The following DMGDH variants were observed in gnomAD, a reference collection of about 807,000 sequenced individuals.
The protein encoded by DMGDH is dimethylglycine dehydrogenase, mitochondrial.
DMGDH carries 76 observed loss-of-function variants against 95.2 expected under a neutral mutation model. The ratio of observed to expected loss-of-function variants is 0.80; its 90% CI spans 0.66 to 0.97. The LOEUF is 0.97. Ranked by LOEUF, DMGDH falls within the 50% of genes least tolerant of loss-of-function variation. DMGDH has a pLI of 0.00. For missense variants in DMGDH, 987 were observed against 1,055.0 expected (o/e 0.94, Z 0.89); for synonymous variants, 345 against 377.6 (o/e 0.91, Z 1.00).
At chr5:79,067,898 T>C (rs1223938071) in intron 1 of DMGDH, among the ~76,000 whole-genome samples, 1 of 152,214 alleles carries the variant, frequency 6.6e-6, no homozygotes, top group Non-Finnish European at 1.5e-5. Flanking sequence ...AATATGCAAT[T>C]GAAATAACTC....
At chr5:79,024,235 G>A (rs1214870461) in intron 14 of DMGDH, 36 bp downstream of exon 14, 2 of 1,580,804 alleles carry the variant, frequency 1.3e-6, no homozygotes, top group Non-Finnish European at 1.7e-6. Flanking sequence ...ATAATGTTAA[G>A]ATTTACTTCA....
Position 79,042,515 on chromosome 5 carries a change from T to C in DMGDH, c.995-34A>G, listed in dbSNP as rs755385426. On this transcript the variant is annotated intron_variant, in intron 6 of 15. Coordinates refer to ENST00000255189, the MANE Select transcript of DMGDH (RefSeq NM_013391.3). ...ATTTGCCCTTGTGGTCAGGATGCCG[T>C]AGCTGAGCTGACAAGTCCTGTAAAG... 5.3e-5 allele frequency: 85 copies of C among 1,603,060 alleles called. No homozygotes were observed. The Middle Eastern group carries it at 4.0e-3, about 75-fold the overall frequency.
intron 14 of DMGDH, among the ~76,000 whole-genome samples, chr5:79,017,749 GCACGGATC>G (rs1753762432): frequency 6.6e-6 from 1 of 152,186 alleles, no homozygotes; most frequent in Non-Finnish European, 1.5e-5. Context: ...GGTTTGAACT[GCACGGATC>G]CACTTATATG....
At chr5:79,008,439 C>G (rs1753586453) in intron 14 of DMGDH, among the ~76,000 whole-genome samples, 1 of 152,184 alleles carries the variant, frequency 6.6e-6, no homozygotes, top group Admixed American at 6.5e-5. Flanking sequence ...GACAGGCAAT[C>G]AACAAACTGG....
chr5:79,028,390 T>A, intron 12 of DMGDH, 43 bp downstream of exon 12: 1 of 1,527,398 alleles, frequency 6.5e-7, no homozygotes, highest in Non-Finnish European at 9.1e-7. Flanking sequence ...AAATTGACCT[T>A]TTAAATTTCA....
chr5:79,068,194 A>G (rs891654642), intron 1 of DMGDH, among the ~76,000 whole-genome samples: 4 of 152,234 alleles, frequency 2.6e-5, no homozygotes, highest in Non-Finnish European at 4.4e-5. Flanking sequence ...CTGAGATTAC[A>G]GGCATGAGCC....
chr5:79,039,060 A>G (rs1580209537), intron 7 of DMGDH, among the ~76,000 whole-genome samples: 4 of 150,426 alleles, frequency 2.7e-5, no homozygotes, highest in African/African-American at 9.8e-5. Context: ...AGGAAACAAC[A>G]GGTGCTGGAG....
Position 79,055,907 on chromosome 5 carries a change from G to A in DMGDH, c.278C>T (p.Ala93Val). 1.9e-6 allele frequency: 3 copies of A among 1,586,938 alleles called. No homozygotes were observed. Reference sequence around the variant, plus strand: ...AGGATGAAAGTAAGTTGTTAAACCTGCCTTAAAAGCAGAGAGGAAAAGAAA... The same window carrying A: ...AGGATGAAAGTAAGTTGTTAAACCTACCTTAAAAGCAGAGAGGAAAAGAAA... ...ELTAGSTWHAAGLTTYFHPGI... is the reference protein window; with the variant it reads ...ELTAGSTWHAVGLTTYFHPGI... Residue 93 changes from alanine to valine, a missense_variant and splice_region_variant, in exon 3 of 16, where the codon GCA becomes GTA. Physicochemically the swap from Ala to Val is moderately conservative, Grantham distance 64 (BLOSUM62 0). Transcript: ENST00000255189.
chr5:79,017,280 A>G (rs1753751363), intron 14 of DMGDH, among the ~76,000 whole-genome samples: 1 of 152,226 alleles, frequency 6.6e-6, no homozygotes, highest in South Asian at 2.1e-4. Flanking sequence ...TTTGCAAAGC[A>G]TGTATCTGAT....
At position 79,060,764 on chromosome 5, in the gene DMGDH, C is replaced by T. The variant is rs561944642; in HGVS notation, c.276+2849G>A. Among the ~76,000 whole-genome samples, 81 of 151,910 alleles carry T rather than the reference C, an allele frequency of 5.3e-4. No homozygotes were observed. In the South Asian group the frequency reaches 0.011, roughly 21 times the overall value. On this transcript the variant is annotated intron_variant, in intron 2 of 15. Coordinates refer to ENST00000255189, the MANE Select transcript of DMGDH (RefSeq NM_013391.3). ...TGAAACCTCATCTCTACTAAAAATA[C>T]AAAAATTAGCTGGGTGTGGTGGTGC...
At chr5:79,026,359 C>G in intron 13 of DMGDH, 65 bp downstream of exon 13, 1 of 1,602,042 alleles carries the variant, frequency 6.2e-7, no homozygotes, top group Non-Finnish European at 8.5e-7. Flanking sequence ...CAGTTCAAAC[C>G]AGCCCTTATA....
chr5:79,063,566 C>G (rs1471297272), intron 2 of DMGDH, 47 bp downstream of exon 2: 1 of 1,611,806 alleles, frequency 6.2e-7, no homozygotes. Flanking sequence ...ATGGACTTTA[C>G]TCATGCACAA....
At chr5:79,066,806 T>C (rs1755396142) in intron 1 of DMGDH, among the ~76,000 whole-genome samples, 1 of 152,228 alleles carries the variant, frequency 6.6e-6, no homozygotes. Context: ...GGTGTCTGTC[T>C]GATTTGTCTA....
At position 79,034,988 on chromosome 5, in the gene DMGDH, C is replaced by T. The variant is rs376467033; in HGVS notation, c.1194-1580G>A. ...AGGAGAATGGCATGAACCTGGGAGG[C>T]GGAGCTTGCAGTGAGCCGAGATCGC... On this transcript the variant is annotated intron_variant, in intron 7 of 15. Transcript: ENST00000255189. 1.6e-4 allele frequency among the ~76,000 whole-genome samples: 21 copies of T among 132,616 alleles called. 1 individual carries two copies. Among genetic ancestry groups the T allele is most frequent in the Admixed American group, 8.7e-4 (10 of 11,496 alleles). 87.0% of individuals were successfully genotyped at this position (132,616 alleles called of 152,430 possible).
At chr5:79,025,017 T>C (rs933040332) in intron 13 of DMGDH, among the ~76,000 whole-genome samples, 20 of 152,238 alleles carry the variant, frequency 1.3e-4, no homozygotes, top group African/African-American at 4.8e-4. Context: ...AGTACGCTTG[T>C]TTTATATGAC....
intron 5 of DMGDH, among the ~76,000 whole-genome samples, chr5:79,044,907 G>GT (rs1315678281): frequency 6.6e-6 from 1 of 152,102 alleles, no homozygotes; most frequent in African/African-American, 2.4e-5. Flanking sequence ...AAGAAGTACC[G>GT]TAACAAGACT....
At chr5:79,020,431 G>A (rs1205713562) in intron 14 of DMGDH, among the ~76,000 whole-genome samples, 2 of 152,110 alleles carry the variant, frequency 1.3e-5, no homozygotes, top group Non-Finnish European at 1.5e-5. Flanking sequence ...TTTCTAGCTT[G>A]TTGTCTGTGA....
rs139396226 is a variant in DMGDH at position 79,051,338 on chromosome 5, C to A, written c.694G>T (p.Val232Phe). 4.3e-6 allele frequency: 7 copies of A among 1,614,074 alleles called. No individual in the cohort carries two copies. The highest frequency in any genetic ancestry group is 5.1e-6 in the Non-Finnish European group (6 of 1,180,042). The change falls in exon 5 of 16, where the codon GTT becomes TTT. Residue 232 changes from valine to phenylalanine, a missense_variant. Coordinates refer to ENST00000255189, the MANE Select transcript of DMGDH (RefSeq NM_013391.3). ...CTCATAGACCCCTGTGGTGTTTCAA[C>A]GTCCCATGTTCCATCTGACCTGGCT... ...LKARSDGTWD[V>F]ETPQGSMRAN...
chr5:79,004,543 A>G (rs1047144423), intron 15 of DMGDH, among the ~76,000 whole-genome samples: 4 of 152,206 alleles, frequency 2.6e-5, no homozygotes, highest in African/African-American at 9.6e-5. Flanking sequence ...TGGGTGTCCC[A>G]CATATGCCTG....
Sources: gnomAD v4.1 joint callset for allele counts (sites outside exome capture counted in the v4.1 genomes callset) on GRCh38, gnomAD v4.1.1 for gene constraint, MANE v1.5 for transcripts, NCBI Gene and HGNC (gene_info 2026-07-23, HGNC 2026-07-21) for gene names.